The following DLGAP2 variants were observed in gnomAD, a reference collection of about 807,000 sequenced individuals.
The protein encoded by DLGAP2 is disks large-associated protein 2.
A neutral mutation model predicts 100.3 loss-of-function variants in DLGAP2; 26 were observed. That is an observed-to-expected ratio of 0.26 (90% CI 0.19 to 0.36). The LOEUF is 0.36. DLGAP2 is among the 10% of genes least tolerant of loss of function. The probability of loss-of-function intolerance (pLI) is 1.00; values close to 1 mark genes in which losing one functional copy is unlikely to be tolerated. For missense variants in DLGAP2, 1,858 were observed against 1,453.2 expected, an observed-to-expected ratio of 1.28 and a Z score of -4.53; for synonymous variants, 886 against 630.1, an observed-to-expected ratio of 1.41 and a Z score of -6.08.
At position 1,089,473 on chromosome 8, in the gene DLGAP2, C is replaced by T. The variant is rs1276704716; in HGVS notation, c.74-169378C>T. 2.0e-5 allele frequency among the ~76,000 whole-genome samples: 3 copies of T among 152,206 alleles called. No homozygotes were observed. The East Asian group carries it at 5.8e-4, about 29-fold the overall frequency. On this transcript the variant is annotated intron_variant, in intron 2 of 14. Transcript: ENST00000637795. ...GCCTGAATGGGCCCAGAGTCAGCTC[C>T]GTCTGTCCCCCAGGGTCTCTCCTGC...
chr8:1,340,792 A>G (rs998010914), intron 3 of DLGAP2, among the ~76,000 whole-genome samples: 2 of 152,234 alleles, frequency 1.3e-5, no homozygotes, highest in Non-Finnish European at 2.9e-5. Context: ...ATGTGTGTTC[A>G]CTGCAGCACA....
At chr8:786,846 C>T (rs1023150130) in intron 1 of DLGAP2, among the ~76,000 whole-genome samples, 3 of 151,706 alleles carry the variant, frequency 2.0e-5, no homozygotes, top group Admixed American at 2.0e-4. Flanking sequence ...GACCTGTGAA[C>T]GTGGCTTCTT....
At chr8:869,607 G>A (rs577704429) in intron 1 of DLGAP2, among the ~76,000 whole-genome samples, 6 of 152,288 alleles carry the variant, frequency 3.9e-5, no homozygotes, top group African/African-American at 1.4e-4. Context: ...TCCAAGGCTG[G>A]CAGCTGGATA....
At chr8:1,057,314 G>T (rs1297658458) in intron 2 of DLGAP2, among the ~76,000 whole-genome samples, 4 of 152,188 alleles carry the variant, frequency 2.6e-5, no homozygotes, top group Admixed American at 2.6e-4. Context: ...TGTATTAACA[G>T]GTTATTAAGA....
At chr8:1,426,279 T>C (rs73172519) in intron 3 of DLGAP2, among the ~76,000 whole-genome samples, 32,455 of 152,066 alleles carry the variant, frequency 0.21, 3,877 homozygotes, top group Middle Eastern at 0.28. Context: ...ACGAGGAGAC[T>C]AAGGAATTTG....
At chr8:842,481 T>C (rs527583839) in intron 1 of DLGAP2, among the ~76,000 whole-genome samples, 2 of 152,354 alleles carry the variant, frequency 1.3e-5, no homozygotes, top group East Asian at 3.9e-4. Context: ...GCCAGAGGAC[T>C]TTTACTCTCT....
chr8:977,029 C>A (rs1262805284), intron 2 of DLGAP2, among the ~76,000 whole-genome samples: 3 of 152,144 alleles, frequency 2.0e-5, no homozygotes, highest in Non-Finnish European at 4.4e-5. Flanking sequence ...ATTTACAAAA[C>A]ACTTACCTAA....
chr8:1,656,300 ACT>A (rs1798283507), intron 8 of DLGAP2, among the ~76,000 whole-genome samples: 1 of 150,832 alleles, frequency 6.6e-6, no homozygotes, highest in Non-Finnish European at 1.5e-5. Flanking sequence ...ACAGGGCAAG[ACT>A]CTGTCTCAAA....
intron 3 of DLGAP2, among the ~76,000 whole-genome samples, chr8:1,346,681 GA>G (rs1801566147): frequency 7.9e-6 from 1 of 126,244 alleles, no homozygotes; most frequent in Admixed American, 7.5e-5. Flanking sequence ...TTCCCATACA[GA>G]GCTGCTTTAA....
At chr8:1,625,948 GT>G (rs1256011168) in intron 6 of DLGAP2, among the ~76,000 whole-genome samples, 26 of 151,934 alleles carry the variant, frequency 1.7e-4, no homozygotes, top group Admixed American at 1.7e-3. Flanking sequence ...TTGGACGGTC[GT>G]TCCCATCTCT....
chr8:1,160,817 C>T (rs945352695), intron 2 of DLGAP2, among the ~76,000 whole-genome samples: 4 of 152,152 alleles, frequency 2.6e-5, no homozygotes, highest in Non-Finnish European at 4.4e-5. Context: ...TTCACCACCT[C>T]GAAGACCAGC....
intron 3 of DLGAP2, among the ~76,000 whole-genome samples, chr8:1,383,950 C>A (rs1353233625): frequency 6.6e-6 from 1 of 152,170 alleles, no homozygotes; most frequent in African/African-American, 2.4e-5. Flanking sequence ...GTGTTACATT[C>A]ATGAAGGAGA....
intron 2 of DLGAP2, among the ~76,000 whole-genome samples, chr8:1,164,304 G>C (rs1202717601): frequency 3.0e-5 from 3 of 100,784 alleles, no homozygotes; most frequent in Non-Finnish European, 6.9e-5. Context: ...GCCCCCCAGG[G>C]TTTGTTTTTG....
intron 3 of DLGAP2, among the ~76,000 whole-genome samples, chr8:1,309,297 G>C (rs1800560475): frequency 6.6e-6 from 1 of 152,152 alleles, no homozygotes; most frequent in Non-Finnish European, 1.5e-5. Context: ...ATTTGCAAAA[G>C]ACATGTTATA....
intron 2 of DLGAP2, among the ~76,000 whole-genome samples, chr8:1,089,508 C>T (rs1804101589): frequency 6.6e-6 from 1 of 152,206 alleles, no homozygotes; most frequent in Admixed American, 6.5e-5. Flanking sequence ...CTGCCCCAGG[C>T]CTTCAGCAAC....
rs1361653597 is a variant in DLGAP2 at position 1,128,898 on chromosome 8, C to G, written c.74-129953C>G. ...CCCTGAAGGTACAGCATGAGTTAAC[C>G]TGGATGGAAGCATCAGAAGCTCCAT... On this transcript the variant is annotated intron_variant, in intron 2 of 14. Coordinates refer to ENST00000637795, the MANE Select transcript of DLGAP2 (RefSeq NM_001346810.2). Among the ~76,000 whole-genome samples, 3 of 152,076 alleles carry G rather than the reference C, an allele frequency of 2.0e-5. No individual in the cohort carries two copies. The South Asian group carries it at 6.2e-4, about 32-fold the overall frequency.
chr8:1,081,936 G>C (rs1035510593), intron 2 of DLGAP2, among the ~76,000 whole-genome samples: 1 of 152,150 alleles, frequency 6.6e-6, no homozygotes, highest in Non-Finnish European at 1.5e-5. Context: ...CAGGATGCCA[G>C]GAAAATGCCC....
At position 1,647,488 on chromosome 8, in the gene DLGAP2, C is replaced by CAAAAAAAAAAAAA. The variant is rs567451595; in HGVS notation, c.1810+14468_1810+14480dup. Among the ~76,000 whole-genome samples the CAAAAAAAAAAAAA allele has an allele frequency of 2.2e-4, 10 of 44,982 alleles. 2 individuals carry two copies. The highest frequency in any genetic ancestry group is 3.5e-4 in the Non-Finnish European group (6 of 17,214). The allele number at this position is 44,982 out of a possible 152,430, so 29.5% of individuals were successfully genotyped here. On this transcript the variant is annotated intron_variant, in intron 8 of 14. Coordinates refer to ENST00000637795, the MANE Select transcript of DLGAP2 (RefSeq NM_001346810.2). ...TGGGAGACAGAGAGAGACTCTGTCT[C>CAAAAAAAAAAAAA]AAAAAAAAAAAAAAAAAAAAAAAAA...
rs987196805 is a variant in DLGAP2 at position 1,258,873 on chromosome 8, G to T, written c.96G>T (p.Gly32=). 1.6e-6 allele frequency: 2 copies of T among 1,231,706 alleles called. No individual in the cohort carries two copies. The highest frequency in any genetic ancestry group is 3.2e-5 in the East Asian group (1 of 31,708). 76.3% of individuals were successfully genotyped at this position (1,231,706 alleles called of 1,614,324 possible). A position where few individuals can be genotyped will look rare whatever the true frequency, so the allele number is the denominator to read the frequency against. The change falls in exon 3 of 15, where the codon GGG becomes GGT. Residue 32 remains glycine, a synonymous_variant. Transcript: ENST00000637795. ...RNTESQCTLC[G]EPEEEEAGDL... ...CAGAGTCGCAGTGCACGCTCTGCGG[G>T]GAGCCGGAAGGTGAGTACCTGACAT...
Sources: gnomAD v4.1 joint callset for allele counts (sites outside exome capture counted in the v4.1 genomes callset) on GRCh38, gnomAD v4.1.1 for gene constraint, MANE v1.5 for transcripts, NCBI Gene and HGNC (gene_info 2026-07-23, HGNC 2026-07-21) for gene names.